QTMAN: variants seen among roughly 807,000 people sequenced by gnomAD.
QTMAN encodes the protein tRNA-queuosine alpha-mannosyltransferase.
At chr2:144,271,802 G>A in the QTMAN span, among the ~76,000 whole-genome samples, 2 of 152,138 alleles carry the variant, frequency 1.3e-5, no homozygotes, top group Non-Finnish European at 2.9e-5. Context: ...TATAGGGAAG[G>A]AAAATGAAAC....
chr2:144,126,104 T>C, the QTMAN span, among the ~76,000 whole-genome samples: 5 of 152,104 alleles, frequency 3.3e-5, no homozygotes, highest in East Asian at 1.9e-4. Context: ...TTTTTTACTA[T>C]AGATTGCCTG....
the QTMAN span, among the ~76,000 whole-genome samples, chr2:144,121,467 C>G: frequency 1.3e-5 from 2 of 152,156 alleles, no homozygotes; most frequent in African/African-American, 2.4e-5. Flanking sequence ...TGAACACATT[C>G]AGTATGTCTG....
chr2:144,054,922 G>A, the QTMAN span, among the ~76,000 whole-genome samples: 8 of 152,258 alleles, frequency 5.3e-5, no homozygotes, highest in South Asian at 1.7e-3. Flanking sequence ...AAAATAATAT[G>A]CACTTTAAAG....
chr2:144,313,969 G>A, the QTMAN span, among the ~76,000 whole-genome samples: 1 of 151,406 alleles, frequency 6.6e-6, no homozygotes. Flanking sequence ...TTTAGGAAAA[G>A]TTATACATAT....
chr2:143,982,292 G>C, the QTMAN span, among the ~76,000 whole-genome samples: 2 of 150,880 alleles, frequency 1.3e-5, no homozygotes, highest in African/African-American at 4.9e-5. Context: ...GTGCAATGGC[G>C]TGATCTCAGC....
the QTMAN span, among the ~76,000 whole-genome samples, chr2:144,311,026 TTG>T: frequency 6.6e-6 from 1 of 152,216 alleles, no homozygotes; most frequent in African/African-American, 2.4e-5. Context: ...AATGGATTGT[TTG>T]TGTGTTTTCT....
chr2:144,193,627 C>T, the QTMAN span, among the ~76,000 whole-genome samples: 14 of 151,674 alleles, frequency 9.2e-5, no homozygotes, highest in Admixed American at 8.6e-4. Flanking sequence ...CTCAAGTGAT[C>T]GTCCCACCAC....
the QTMAN span, chr2:144,332,633 C>T: frequency 6.6e-6 from 1 of 151,294 alleles, no homozygotes; most frequent in Admixed American, 6.6e-5. Flanking sequence ...GAGGCTCCGC[C>T]TCTCTGCGCC....
the QTMAN span, among the ~76,000 whole-genome samples, chr2:144,279,838 T>C: frequency 1.3e-5 from 2 of 152,006 alleles, no homozygotes; most frequent in Admixed American, 1.3e-4. Context: ...GGCTAGGGAG[T>C]ATACATAGTC....
chr2:144,159,563 T>C, the QTMAN span, among the ~76,000 whole-genome samples: 1 of 152,076 alleles, frequency 6.6e-6, no homozygotes, highest in Non-Finnish European at 1.5e-5. Context: ...TACTTAGGTA[T>C]TATACAAGCA....
chr2:144,243,631 T>C, the QTMAN span, among the ~76,000 whole-genome samples: 4 of 152,234 alleles, frequency 2.6e-5, no homozygotes, highest in East Asian at 1.9e-4. Flanking sequence ...TTATCCCTTA[T>C]GGTATCTAGA....
chr2:144,148,678 C>T, the QTMAN span, among the ~76,000 whole-genome samples: 9 of 151,864 alleles, frequency 5.9e-5, no homozygotes, highest in African/African-American at 2.2e-4. Context: ...ACCACATGTC[C>T]CCCTACCCAC....
chr2:144,138,253 A>G, the QTMAN span, among the ~76,000 whole-genome samples: 517 of 152,112 alleles, frequency 3.4e-3, 4 homozygotes, highest in Non-Finnish European at 3.4e-3. Context: ...TGACCACAGG[A>G]TTTAGAGGCA....
the QTMAN span, among the ~76,000 whole-genome samples, chr2:144,096,652 T>C: frequency 1.3e-5 from 2 of 152,244 alleles, no homozygotes; most frequent in Non-Finnish European, 2.9e-5. Context: ...GCTTGAAGCA[T>C]ATCTATCTGA....
the QTMAN span, among the ~76,000 whole-genome samples, chr2:144,132,460 G>A: frequency 6.6e-6 from 1 of 152,006 alleles, no homozygotes; most frequent in Non-Finnish European, 1.5e-5. Flanking sequence ...TAAACAACTA[G>A]AATTACTTCT....
At chr2:143,970,468 TAAATC>T in the QTMAN span, among the ~76,000 whole-genome samples, 43 of 152,178 alleles carry the variant, frequency 2.8e-4, no homozygotes, top group African/African-American at 8.7e-4. Flanking sequence ...GTTCTCAACT[TAAATC>T]AAAGAATGCT....
At chr2:143,962,829 C>G in the QTMAN span, among the ~76,000 whole-genome samples, 2 of 152,096 alleles carry the variant, frequency 1.3e-5, no homozygotes, top group African/African-American at 4.8e-5. Flanking sequence ...TGTGAAATGT[C>G]TGAGTTAAAC....
chr2:144,041,030 T>C, the QTMAN span, among the ~76,000 whole-genome samples: 1 of 152,238 alleles, frequency 6.6e-6, no homozygotes, highest in African/African-American at 2.4e-5. Flanking sequence ...CATTCATTCA[T>C]CCATTCATTC....
the QTMAN span, among the ~76,000 whole-genome samples, chr2:144,261,803 T>C: frequency 6.6e-6 from 1 of 152,222 alleles, no homozygotes; most frequent in Admixed American, 6.5e-5. Flanking sequence ...TTTTTGAAAA[T>C]TGTTTTGCTG....
Sources: allele counts gnomAD v4.1 joint callset (sites outside exome capture counted in the v4.1 genomes callset), GRCh38; gene constraint gnomAD v4.1.1; transcripts MANE v1.5; gene names NCBI Gene and HGNC (gene_info 2026-07-23, HGNC 2026-07-21).